MSN: variants seen among roughly 807,000 people sequenced by gnomAD.
The protein encoded by MSN is moesin.
MSN carries 2 observed loss-of-function variants against 48.0 expected under a neutral mutation model. The observed-to-expected ratio is 0.04, with a 90% confidence interval of 0.02 to 0.13. MSN has a LOEUF of 0.13. Among genes scored for constraint, MSN ranks in the 10% least tolerant of loss-of-function variants. The pLI is 1.00. For missense variants in MSN, 267 were observed against 470.1 expected, an observed-to-expected ratio of 0.57 and a Z score of 3.99; for synonymous variants, 146 against 166.9, an observed-to-expected ratio of 0.87 and a Z score of 0.97.
At chrX:65,659,587 T>A (rs1164336630) in intron 1 of MSN, among the ~76,000 whole-genome samples, 2 of 111,608 alleles carry the variant, frequency 1.8e-5, no homozygotes, top group Non-Finnish European at 3.8e-5. Context: ...AGTCTGTCCC[T>A]AAAGCCCTGA....
chrX:65,668,650 C>T (rs1402770070), intron 1 of MSN, among the ~76,000 whole-genome samples: 1 of 111,835 alleles, frequency 8.9e-6, no homozygotes, highest in Non-Finnish European at 1.9e-5. Flanking sequence ...TGCGTCTCCA[C>T]CCCACTGGCT....
At chrX:65,623,209 A>ATT (rs762345540) in intron 1 of MSN, among the ~76,000 whole-genome samples, 37 of 106,033 alleles carry the variant, frequency 3.5e-4, no homozygotes, top group African/African-American at 9.8e-4. Context: ...TTTAGTCTGT[A>ATT]TTTTTTTTTT....
intron 1 of MSN, among the ~76,000 whole-genome samples, chrX:65,615,855 T>C (rs1458201107): frequency 9.0e-6 from 1 of 111,651 alleles, no homozygotes. Flanking sequence ...CGTTTAAGTC[T>C]TTAATCCATC....
At chrX:65,695,525 A>C (rs899930331) in intron 1 of MSN, among the ~76,000 whole-genome samples, 27 of 107,625 alleles carry the variant, frequency 2.5e-4, no homozygotes, top group African/African-American at 5.8e-4. Context: ...AAAAAAAAAA[A>C]AAAAAAAAAC....
intron 2 of MSN, among the ~76,000 whole-genome samples, chrX:65,718,400 G>A (rs2071486256): frequency 8.9e-6 from 1 of 111,765 alleles, no homozygotes; most frequent in Non-Finnish European, 1.9e-5. Context: ...AGATAAATTC[G>A]AAATAGGTGA....
intron 1 of MSN, among the ~76,000 whole-genome samples, chrX:65,621,109 G>A (rs771821706): frequency 6.3e-5 from 7 of 110,423 alleles, no homozygotes; most frequent in Non-Finnish European, 1.1e-4. Context: ...TAGAGATGGG[G>A]TTTCACCGTG....
chrX:65,646,151 T>G (rs1244445461), intron 1 of MSN, among the ~76,000 whole-genome samples: 1 of 112,065 alleles, frequency 8.9e-6, no homozygotes, highest in Non-Finnish European at 1.9e-5. Flanking sequence ...GTATATCTTT[T>G]CCTTTTGTTC....
intron 1 of MSN, among the ~76,000 whole-genome samples, chrX:65,617,103 G>A (rs868295971): frequency 9.4e-6 from 1 of 106,651 alleles, no homozygotes; most frequent in Non-Finnish European, 1.9e-5. Flanking sequence ...GCTGGATTCG[G>A]TTTGCCAGTA....
At chrX:65,653,515 G>T (rs1361998023) in intron 1 of MSN, among the ~76,000 whole-genome samples, 1 of 110,752 alleles carries the variant, frequency 9.0e-6, no homozygotes, top group African/African-American at 3.3e-5. Context: ...AGTGTTTTAG[G>T]AACGTAAGTG....
At chrX:65,618,635 C>T (rs1569454629) in intron 1 of MSN, among the ~76,000 whole-genome samples, 1 of 111,281 alleles carries the variant, frequency 9.0e-6, no homozygotes, top group Non-Finnish European at 1.9e-5. Context: ...GAATACAGCA[C>T]ACTGTTGGGT....
At chrX:65,707,863 A>G (rs1336574153) in intron 1 of MSN, among the ~76,000 whole-genome samples, 2 of 111,713 alleles carry the variant, frequency 1.8e-5, no homozygotes, top group Non-Finnish European at 3.8e-5. Flanking sequence ...CTTCTATCCT[A>G]TCTATCACTT....
intron 1 of MSN, among the ~76,000 whole-genome samples, chrX:65,697,469 G>A (rs1456012424): frequency 9.0e-6 from 1 of 111,710 alleles, no homozygotes; most frequent in Non-Finnish European, 1.9e-5. Flanking sequence ...GAGGAGAGAA[G>A]GAAGTTTCAA....
At chrX:65,718,979 T>C (rs968059396) in intron 2 of MSN, among the ~76,000 whole-genome samples, 1 of 111,876 alleles carries the variant, frequency 8.9e-6, no homozygotes, top group Admixed American at 9.5e-5. Context: ...GTGTAATCAT[T>C]GATACTTAAT....
At chrX:65,598,622 C>T (rs1019919075) in intron 1 of MSN, among the ~76,000 whole-genome samples, 44 of 111,517 alleles carry the variant, frequency 3.9e-4, no homozygotes, top group African/African-American at 1.3e-3. Flanking sequence ...CATAGTCACA[C>T]AGCAAGCTGG....
intron 10 of MSN, 38 bp from the exon 11 acceptor site, chrX:65,738,487 G>A (rs1348658931): frequency 1.7e-6 from 2 of 1,163,813 alleles, no homozygotes; most frequent in East Asian, 6.3e-5. Flanking sequence ...CTGAGGACCA[G>A]AAGGCCCAGC....
chrX:65,654,279 ATTTATT>A, intron 1 of MSN, among the ~76,000 whole-genome samples: 1 of 105,117 alleles, frequency 9.5e-6, no homozygotes, highest in East Asian at 3.0e-4. Context: ...CTAATTTTTT[ATTTATT>A]TTTTTTTTGT....
chrX:65,607,694 C>G (rs1275455448), intron 1 of MSN, among the ~76,000 whole-genome samples: 1 of 111,207 alleles, frequency 9.0e-6, no homozygotes, highest in Non-Finnish European at 1.9e-5. Context: ...TTATGTGAAC[C>G]CAGGAGGTCT....
intron 1 of MSN, among the ~76,000 whole-genome samples, chrX:65,635,599 G>A (rs1229986641): frequency 1.8e-5 from 2 of 111,853 alleles, no homozygotes; most frequent in African/African-American, 3.2e-5. Context: ...GCTATTTTTG[G>A]AAGCTTTCAA....
chrX:65,733,973 A>G (rs1290878188), intron 7 of MSN, among the ~76,000 whole-genome samples: 4 of 104,879 alleles, frequency 3.8e-5, no homozygotes, highest in Non-Finnish European at 5.7e-5. Flanking sequence ...TTTTTTTTTT[A>G]TTGTGGAGAA....
Sources: allele counts gnomAD v4.1 joint callset (sites outside exome capture counted in the v4.1 genomes callset), GRCh38; gene constraint gnomAD v4.1.1; transcripts MANE v1.5; gene names NCBI Gene and HGNC (gene_info 2026-07-23, HGNC 2026-07-21).